DOCK4: variants seen among roughly 807,000 people sequenced by gnomAD.
The protein encoded by DOCK4 is dedicator of cytokinesis 4, also known as dedicator of cytokinesis protein 4.
In DOCK4, 97 loss-of-function variants were observed where a neutral mutation model predicts 268.1. The ratio of observed to expected loss-of-function variants is 0.36; its 90% CI spans 0.31 to 0.43. The LOEUF is 0.43. DOCK4 is among the 20% of genes least tolerant of loss of function. The pLI is 1.00. For synonymous variants in DOCK4, 954 were observed against 887.2 expected (o/e 1.08, Z -1.34); for missense variants, 2,145 against 2,455.7 (o/e 0.87, Z 2.67).
chr7:111,957,343 A>C (rs887652200), intron 8 of DOCK4, among the ~76,000 whole-genome samples: 1 of 152,204 alleles, frequency 6.6e-6, no homozygotes, highest in Non-Finnish European at 1.5e-5. Context: ...GCACCATACA[A>C]AAGGATGATA....
intron 1 of DOCK4, among the ~76,000 whole-genome samples, chr7:112,007,981 C>A (rs1028849672): frequency 6.6e-6 from 1 of 152,156 alleles, no homozygotes; most frequent in Non-Finnish European, 1.5e-5. Context: ...TTCCCAGGGG[C>A]ATTTTCCCCC....
Position 111,791,922 on chromosome 7 carries a change from T to C in DOCK4, c.3167-1317A>G, listed in dbSNP as rs1799576917. Among the ~76,000 whole-genome samples, 3 of 152,254 alleles carry C rather than the reference T, an allele frequency of 2.0e-5. No homozygotes were observed. The South Asian group carries it at 6.2e-4, about 32-fold the overall frequency. On this transcript the variant is annotated intron_variant, in intron 30 of 52. Coordinates refer to ENST00000428084, the MANE Select transcript of DOCK4 (RefSeq NM_001363540.2). ...TACACAACTTACATAAAAATTTAAA[T>C]AGTGGTCCCCCCAAAAGAATATAAA...
chr7:112,129,980 T>C (rs1813652559), intron 1 of DOCK4, among the ~76,000 whole-genome samples: 1 of 152,182 alleles, frequency 6.6e-6, no homozygotes, highest in Non-Finnish European at 1.5e-5. Flanking sequence ...ATTCCCCCAG[T>C]GACAAGTCCT....
chr7:111,839,722 C>T (rs1312840508), intron 25 of DOCK4, among the ~76,000 whole-genome samples: 2 of 152,192 alleles, frequency 1.3e-5, no homozygotes, highest in African/African-American at 2.4e-5. Flanking sequence ...ACTCCAACCA[C>T]ATTCAACTCT....
At chr7:112,055,428 T>C (rs2135569612) in intron 1 of DOCK4, among the ~76,000 whole-genome samples, 1 of 152,162 alleles carries the variant, frequency 6.6e-6, no homozygotes, top group African/African-American at 2.4e-5. Flanking sequence ...CACTGAGATA[T>C]GGAAAGAAAG....
At chr7:112,082,535 C>G (rs550120447) in intron 1 of DOCK4, among the ~76,000 whole-genome samples, 1 of 152,160 alleles carries the variant, frequency 6.6e-6, no homozygotes, top group African/African-American at 2.4e-5. Context: ...AAATAAATTT[C>G]GTAATTGTTG....
chr7:111,772,983 T>C (rs1435199817), intron 36 of DOCK4, among the ~76,000 whole-genome samples: 1 of 152,070 alleles, frequency 6.6e-6, no homozygotes, highest in Non-Finnish European at 1.5e-5. Context: ...AACTGACAAA[T>C]GACTGAGCGA....
At chr7:111,804,119 C>T (rs1800493367) in intron 30 of DOCK4, among the ~76,000 whole-genome samples, 1 of 152,174 alleles carries the variant, frequency 6.6e-6, no homozygotes, top group Non-Finnish European at 1.5e-5. Context: ...AAGCCAGATT[C>T]TCAGAGATAT....
rs192506792 is a variant in DOCK4 at position 111,938,039 on chromosome 7, T to C, written c.977+2071A>G. On this transcript the variant is annotated intron_variant, in intron 11 of 52. Transcript: ENST00000428084. ...CTACGTTTTATGACCACCAGTTAAG[T>C]ATGGAAAGAAGGGTATCATGGATTT... Among the ~76,000 whole-genome samples, 4 of 152,294 alleles carry C rather than the reference T, an allele frequency of 2.6e-5. No individual in the cohort carries two copies. The East Asian group carries it at 7.7e-4, about 29-fold the overall frequency.
At chr7:112,186,405 T>C (rs1019312466) in intron 1 of DOCK4, among the ~76,000 whole-genome samples, 3 of 152,202 alleles carry the variant, frequency 2.0e-5, no homozygotes, top group African/African-American at 4.8e-5. Context: ...CTCAATTTCC[T>C]TGTGATCCTG....
At chr7:111,749,644 A>C (rs1462494737) in intron 42 of DOCK4, among the ~76,000 whole-genome samples, 1 of 152,212 alleles carries the variant, frequency 6.6e-6, no homozygotes, top group Non-Finnish European at 1.5e-5. Context: ...AACATGAAGG[A>C]TAGATAAAAT....
intron 1 of DOCK4, among the ~76,000 whole-genome samples, chr7:112,066,557 CGTATATATACACGTGTGTATAT>C (rs768812418): frequency 2.4e-4 from 34 of 139,110 alleles, no homozygotes; most frequent in Non-Finnish European, 3.5e-4. Context: ...CACATATATA[CGTATATATACACGTGTGTATAT>C]GTATATATAC....
At chr7:112,064,314 T>C (rs182555435) in intron 1 of DOCK4, among the ~76,000 whole-genome samples, 4 of 152,232 alleles carry the variant, frequency 2.6e-5, no homozygotes, top group Admixed American at 2.6e-4. Context: ...CCAACCAATA[T>C]CCCATAGTAA....
intron 7 of DOCK4, among the ~76,000 whole-genome samples, chr7:111,981,395 G>C (rs915526906): frequency 6.6e-6 from 1 of 152,184 alleles, no homozygotes; most frequent in Non-Finnish European, 1.5e-5. Context: ...ACTTGAAAAA[G>C]AAACTGCCTT....
rs374966318 is a variant in DOCK4, at chr7:111,728,681, G to T, written c.5521C>A (p.His1841Asn). 1 of 1,613,730 alleles carries T rather than the reference G, an allele frequency of 6.2e-7. No individual in the cohort carries two copies. The highest frequency in any genetic ancestry group is 1.1e-5 in the South Asian group (1 of 91,038). The change falls in exon 53 of 53, where the codon CAC becomes AAC. Residue 1841 changes from histidine (H) to asparagine (N), a missense_variant. Physicochemically the swap from His to Asn is moderately conservative, Grantham distance 68. Transcript: ENST00000428084. ...QSFTPSPVEY[H>N]SPGLISNSPV... The stretch of plus-strand genomic sequence containing the variant: ...GAGTTGGAGATGAGTCCTGGCGAGT[G>T]GTACTCCACTGGAGAGGGGGTGAAA...
At chr7:111,766,407 AG>A (rs1797763301) in intron 38 of DOCK4, among the ~76,000 whole-genome samples, 1 of 152,224 alleles carries the variant, frequency 6.6e-6, no homozygotes, top group Non-Finnish European at 1.5e-5. Flanking sequence ...AGCACTCAGC[AG>A]GATCTTGTGT....
intron 30 of DOCK4, among the ~76,000 whole-genome samples, chr7:111,798,327 C>T (rs1283338372): frequency 6.6e-6 from 1 of 152,192 alleles, no homozygotes; most frequent in Non-Finnish European, 1.5e-5. Flanking sequence ...CATTATAGCA[C>T]AAGAGCCCTG....
intron 39 of DOCK4, 122 bp from the exon 40 acceptor site, chr7:111,760,444 AT>A: frequency 9.6e-7 from 1 of 1,043,018 alleles, no homozygotes; most frequent in Non-Finnish European, 1.4e-6. Flanking sequence ...TATAACAAAA[AT>A]TACGCTGGAA....
At chr7:111,994,096 C>A in intron 5 of DOCK4, 39 bp downstream of exon 5, 1 of 1,376,566 alleles carries the variant, frequency 7.3e-7, no homozygotes, top group Admixed American at 1.9e-5. Context: ...TAAAACAATT[C>A]TTTACCCGAA....
Sources: gnomAD v4.1 joint callset for allele counts (sites outside exome capture counted in the v4.1 genomes callset) on GRCh38, gnomAD v4.1.1 for gene constraint, MANE v1.5 for transcripts, NCBI Gene and HGNC (gene_info 2026-07-23, HGNC 2026-07-21) for gene names.